The following COLEC12 variants were observed in gnomAD, a reference collection of about 807,000 sequenced individuals.
COLEC12 encodes collectin-12.
In COLEC12, 33 loss-of-function variants were observed where a neutral mutation model predicts 71.1. The ratio of observed to expected loss-of-function variants is 0.46; its 90% CI spans 0.35 to 0.62. COLEC12 has a LOEUF of 0.62. Ranked by LOEUF, COLEC12 falls within the 20% of genes least tolerant of loss-of-function variation. COLEC12 has a pLI of 0.00. For synonymous variants in COLEC12, 350 were observed against 353.0 expected, an observed-to-expected ratio of 0.99 and a Z score of 0.10; for missense variants, 765 against 916.1, an observed-to-expected ratio of 0.84 and a Z score of 2.13.
chr18:382,795 T>C (rs1430839414), intron 2 of COLEC12, among the ~76,000 whole-genome samples: 1 of 152,226 alleles, frequency 6.6e-6, no homozygotes, highest in Non-Finnish European at 1.5e-5. Context: ...GCAAATGTTA[T>C]TTTTAAATTT....
At chr18:384,258 G>A (rs1310749337) in intron 2 of COLEC12, among the ~76,000 whole-genome samples, 4 of 152,098 alleles carry the variant, frequency 2.6e-5, no homozygotes, top group Non-Finnish European at 4.4e-5. Flanking sequence ...ATCGCAGTGT[G>A]CAGCCAAGGT....
intron 2 of COLEC12, among the ~76,000 whole-genome samples, chr18:404,045 G>T (rs944710075): frequency 3.3e-5 from 5 of 152,158 alleles, no homozygotes; most frequent in Admixed American, 2.0e-4. Context: ...AAAACCATCA[G>T]AAAATTAAGC....
chr18:323,429 C>A (rs915148879), intron 8 of COLEC12, among the ~76,000 whole-genome samples: 2 of 152,146 alleles, frequency 1.3e-5, no homozygotes, highest in Non-Finnish European at 2.9e-5. Context: ...TGGGTGATGG[C>A]AACATAGCAG....
intron 2 of COLEC12, among the ~76,000 whole-genome samples, chr18:445,421 G>A (rs1055749904): frequency 7.9e-5 from 12 of 152,056 alleles, no homozygotes; most frequent in African/African-American, 2.2e-4. Context: ...CAGATCTGAC[G>A]GTTATCTGTT....
chr18:478,131 C>T (rs1251052784), intron 2 of COLEC12, among the ~76,000 whole-genome samples: 2 of 152,156 alleles, frequency 1.3e-5, no homozygotes, highest in African/African-American at 4.8e-5. Flanking sequence ...TGCAGGGTCC[C>T]CCTCCACAAC....
chr18:406,050 G>A (rs1040988716), intron 2 of COLEC12, among the ~76,000 whole-genome samples: 7 of 152,056 alleles, frequency 4.6e-5, no homozygotes, highest in Non-Finnish European at 8.8e-5. Flanking sequence ...AAAAACAGAT[G>A]GCAATGAGAG....
chr18:467,004 T>C (rs1390567986), intron 2 of COLEC12, among the ~76,000 whole-genome samples: 1 of 152,176 alleles, frequency 6.6e-6, no homozygotes, highest in Non-Finnish European at 1.5e-5. Context: ...ACCCAAGTAG[T>C]CAGTAAGGAA....
At chr18:354,183 T>C (rs1473508633) in intron 3 of COLEC12, among the ~76,000 whole-genome samples, 1 of 152,214 alleles carries the variant, frequency 6.6e-6, no homozygotes, top group Non-Finnish European at 1.5e-5. Context: ...GAAGCTCTGT[T>C]GACTAATGAT....
At position 464,565 on chromosome 18, in the gene COLEC12, C is replaced by A. The variant is rs183775267; in HGVS notation, c.58+16142G>T. Reference sequence around the variant, plus strand: ...CTTTCTCTGAATCACTGGTTCCCCCCACTTTCTGCAGAATTAATAACTTCA... The same window carrying A: ...CTTTCTCTGAATCACTGGTTCCCCCAACTTTCTGCAGAATTAATAACTTCA... On this transcript the variant is annotated intron_variant, in intron 2 of 9. Transcript: ENST00000400256. Among the ~76,000 whole-genome samples, 321 of 152,344 alleles carry A rather than the reference C, an allele frequency of 2.1e-3. 2 individuals are homozygous for A. The highest frequency in any genetic ancestry group is 7.4e-3 in the African/African-American group (309 of 41,574).
intron 2 of COLEC12, among the ~76,000 whole-genome samples, chr18:402,010 G>A (rs999429999): frequency 6.6e-6 from 1 of 152,178 alleles, no homozygotes; most frequent in African/African-American, 2.4e-5. Context: ...ACTCCTTCCA[G>A]GCTTGTGTGA....
At chr18:384,468 C>A (rs1915300646) in intron 2 of COLEC12, among the ~76,000 whole-genome samples, 1 of 152,090 alleles carries the variant, frequency 6.6e-6, no homozygotes, top group Non-Finnish European at 1.5e-5. Context: ...GAAGGACTGC[C>A]ACGTGTAAGA....
chr18:351,634 C>A (rs1193799345), intron 3 of COLEC12, among the ~76,000 whole-genome samples: 1 of 152,102 alleles, frequency 6.6e-6, no homozygotes, highest in Non-Finnish European at 1.5e-5. Context: ...ATGGAATGAT[C>A]TTAGCTGACT....
intron 3 of COLEC12, among the ~76,000 whole-genome samples, chr18:355,118 T>G (rs1251414605): frequency 6.6e-6 from 1 of 152,122 alleles, no homozygotes; most frequent in Non-Finnish European, 1.5e-5. Flanking sequence ...CAGTGAACTT[T>G]CCTGGGCAAT....
chr18:419,570 C>T (rs1010379948), intron 2 of COLEC12, among the ~76,000 whole-genome samples: 1 of 152,168 alleles, frequency 6.6e-6, no homozygotes, highest in African/African-American at 2.4e-5. Context: ...TCTATCAAAA[C>T]GTTTCTAACA....
intron 8 of COLEC12, among the ~76,000 whole-genome samples, chr18:330,652 G>GAT (rs1913953434): frequency 6.6e-6 from 1 of 152,064 alleles, no homozygotes; most frequent in Non-Finnish European, 1.5e-5. Flanking sequence ...ATTAGGGAAG[G>GAT]AGCTAACACC....
rs144338612 is a variant in COLEC12, at chr18:326,539, G to C, written c.2064-4732C>G. Among the ~76,000 whole-genome samples, 588 of 152,254 alleles carry C rather than the reference G, an allele frequency of 3.9e-3. 5 individuals carry two copies. Among genetic ancestry groups the C allele is most frequent in the African/African-American group, 0.013 (558 of 41,536 alleles). On this transcript the variant is annotated intron_variant, in intron 8 of 9. Coordinates refer to ENST00000400256, the MANE Select transcript of COLEC12 (RefSeq NM_130386.3). ...ATGTCTTTTACTTTTAGTAGAGACG[G>C]GGTTTCACCATGTCGGCCTGGATGG...
chr18:457,858 C>A (rs1916903039), intron 2 of COLEC12, among the ~76,000 whole-genome samples: 1 of 152,172 alleles, frequency 6.6e-6, no homozygotes, highest in Non-Finnish European at 1.5e-5. Flanking sequence ...CTGTTTAGTG[C>A]TTACGATTGA....
chr18:335,365 G>A, intron 5 of COLEC12, 135 bp from the exon 6 acceptor site: 1 of 939,106 alleles, frequency 1.1e-6, no homozygotes, highest in Non-Finnish European at 1.5e-6. Context: ...AAGACCATCT[G>A]TTTATCATAC....
At chr18:322,216 G>GCA (rs1913724966) in intron 8 of COLEC12, among the ~76,000 whole-genome samples, 1 of 119,530 alleles carries the variant, frequency 8.4e-6, no homozygotes, top group African/African-American at 3.0e-5. Context: ...ACACACACAC[G>GCA]CACACATGAT....
Sources: gnomAD v4.1 joint callset for allele counts (sites outside exome capture counted in the v4.1 genomes callset) on GRCh38, gnomAD v4.1.1 for gene constraint, MANE v1.5 for transcripts, NCBI Gene and HGNC (gene_info 2026-07-23, HGNC 2026-07-21) for gene names.